Variants in CLIP1 observed in about 807,000 individuals in gnomAD.
The protein encoded by CLIP1 is CAP-Gly domain containing linker protein 1.
CLIP1 carries 66 observed loss-of-function variants against 161.6 expected under a neutral mutation model. That is an observed-to-expected ratio of 0.41 (90% confidence interval 0.33 to 0.50). The LOEUF (loss-of-function observed/expected upper bound fraction) is 0.50. CLIP1 is among the 20% of genes least tolerant of loss of function. The pLI, the probability that CLIP1 is intolerant of heterozygous loss-of-function variation, is 0.27. For missense variants in CLIP1, 1,376 were observed against 1,702.0 expected (o/e 0.81, Z 3.37); for synonymous variants, 598 against 626.2 (o/e 0.96, Z 0.67).
rs760960888 is a variant in CLIP1 at position 122,339,150 on chromosome 12, G to A, written c.2451+1603C>T. 2.9e-4 allele frequency among the ~76,000 whole-genome samples: 44 copies of A among 152,210 alleles called. 1 individual carries two copies. The highest frequency in any genetic ancestry group is 1.1e-3 in the African/African-American group (44 of 41,544). Reference sequence around the variant, plus strand: ...CTAGTTAGTAAGGAATGCAGCTGGCGAATGTTTCACGTAATTTCCTAAGCC... The same window carrying A: ...CTAGTTAGTAAGGAATGCAGCTGGCAAATGTTTCACGTAATTTCCTAAGCC... On this transcript the variant is annotated intron_variant, in intron 11 of 25. Transcript: ENST00000620786.
At chr12:122,298,431 G>A (rs560003234) in intron 20 of CLIP1, among the ~76,000 whole-genome samples, 7 of 151,822 alleles carry the variant, frequency 4.6e-5, no homozygotes, top group South Asian at 2.1e-4. Flanking sequence ...GCCAAACTCC[G>A]TCTCCACTAA....
intron 15 of CLIP1, 52 bp from the exon 16 acceptor site, chr12:122,328,478 A>C (rs372428927): frequency 8.9e-7 from 1 of 1,120,088 alleles, no homozygotes. Flanking sequence ...AATGTTTTAA[A>C]TTTAAGTTAT....
intron 24 of CLIP1, 133 bp downstream of exon 24, chr12:122,278,021 G>T: frequency 2.6e-6 from 2 of 764,624 alleles, no homozygotes; most frequent in South Asian, 1.6e-5. Flanking sequence ...TTAATGTTTG[G>T]ACTAGAGGAA....
intron 1 of CLIP1, among the ~76,000 whole-genome samples, chr12:122,401,293 G>A (rs1373465620): frequency 6.6e-6 from 1 of 152,204 alleles, no homozygotes; most frequent in Admixed American, 6.5e-5. Context: ...GGAGGCTGAG[G>A]TGGCAGGATG....
intron 1 of CLIP1, among the ~76,000 whole-genome samples, chr12:122,415,014 C>T (rs1956683248): frequency 1.3e-5 from 2 of 151,932 alleles, no homozygotes; most frequent in South Asian, 4.1e-4. Flanking sequence ...GTCAAGATTA[C>T]ACCAGTACAC....
rs1368508316 is a variant in CLIP1, at chr12:122,341,501, C to T, written c.1703G>A (p.Arg568Lys). The change falls in exon 11 of 26, where the codon AGA becomes AAA. Residue 568 changes from arginine (R) to lysine (K), a missense_variant. Arg to Lys is a conservative substitution (Grantham distance 26, BLOSUM62 2). This residue lies in a region of CLIP1 where 948 missense variants were observed against 1,134.8 expected (regional missense o/e 0.84). Transcript: ENST00000620786. Reference sequence around the variant, plus strand: ...ATGCTCCTTCAGAGAAGTTATTTCTCTCTGGTGGTCAGTACGGGTGACTTC... The same window carrying T: ...ATGCTCCTTCAGAGAAGTTATTTCTTTCTGGTGGTCAGTACGGGTGACTTC... ...KLEVTRTDHQREITSLKEHFG... is the reference protein window; with the variant it reads ...KLEVTRTDHQKEITSLKEHFG... 6.2e-7 allele frequency: 1 copy of T among 1,613,978 alleles called. No individual in the cohort carries two copies. The highest frequency in any genetic ancestry group is 8.5e-7 in the Non-Finnish European group (1 of 1,179,912).
At chr12:122,310,000 C>T in intron 19 of CLIP1, 118 bp from the exon 20 acceptor site, 1 of 1,107,530 alleles carries the variant, frequency 9.0e-7, no homozygotes, top group Non-Finnish European at 1.3e-6. Context: ...CTGATAGGAT[C>T]TATAATAACA....
intron 20 of CLIP1, among the ~76,000 whole-genome samples, chr12:122,297,904 C>T (rs1346913769): frequency 2.0e-5 from 3 of 152,182 alleles, no homozygotes; most frequent in Non-Finnish European, 2.9e-5. Flanking sequence ...GAGCCACTTC[C>T]GGCAGGGTCA....
chr12:122,361,927 CA>C (rs1309641456), intron 4 of CLIP1, among the ~76,000 whole-genome samples: 2 of 151,894 alleles, frequency 1.3e-5, no homozygotes, highest in Non-Finnish European at 2.9e-5. Context: ...ATCTGTTCCC[CA>C]AAAACCTATT....
chr12:122,290,683 G>A (rs1278138348), intron 20 of CLIP1, among the ~76,000 whole-genome samples: 1 of 151,820 alleles, frequency 6.6e-6, no homozygotes, highest in Non-Finnish European at 1.5e-5. Context: ...AACACAATAC[G>A]CAAAGATTCT....
rs1955983159 is a variant in CLIP1 at position 122,289,029 on chromosome 12, G to T, written c.3595-488C>A. ...GACGGGTTTTCACCGTCTTAGCCAG[G>T]ATGGTCTCGATCTCCTGACCTTGTG... On this transcript the variant is annotated intron_variant, in intron 20 of 25. Transcript: ENST00000620786. 2.0e-5 allele frequency among the ~76,000 whole-genome samples: 3 copies of T among 150,488 alleles called. No homozygotes were observed. The South Asian group carries it at 6.2e-4, about 31-fold the overall frequency.
chr12:122,390,199 T>TATA (rs1593226640), intron 1 of CLIP1, among the ~76,000 whole-genome samples: 5 of 116,904 alleles, frequency 4.3e-5, no homozygotes, highest in Admixed American at 3.6e-4. Flanking sequence ...ATATATATAA[T>TATA]ATATATATAC....
rs1954798423 is a variant in CLIP1 at position 122,377,486 on chromosome 12, T to C, written c.560A>G (p.Asn187Ser). Reference protein sequence around the residue: ...KEPSATPPISNLTKTASESIS... With the variant: ...KEPSATPPISSLTKTASESIS... ...AGATTCACTGGCAGTTTTTGTAAGG[T>C]TGCTGATCGGAGGCGTAGCTGAAGG... The change falls in exon 3 of 26, where the codon AAC (asparagine) becomes AGC (serine). Residue 187 changes from asparagine (N) to serine (S), a missense_variant. By Grantham distance (46) the Asn-to-Ser change is conservative. This residue lies in a region of CLIP1 where 119 missense variants were observed against 112.0 expected (regional missense o/e 1.06). Transcript: ENST00000620786. 9 of 1,614,122 alleles carry C rather than the reference T, an allele frequency of 5.6e-6. No homozygotes were observed. The highest frequency in any genetic ancestry group is 2.2e-5 in the East Asian group (1 of 44,880).
intron 17 of CLIP1, among the ~76,000 whole-genome samples, chr12:122,320,767 T>C (rs1951468017): frequency 6.6e-6 from 1 of 150,710 alleles, no homozygotes; most frequent in African/African-American, 2.4e-5. Flanking sequence ...TGGAGCGCAG[T>C]GGTGCAATCT....
intron 25 of CLIP1, 27 bp downstream of exon 25, chr12:122,274,011 C>T: frequency 3.1e-6 from 5 of 1,608,806 alleles, no homozygotes; most frequent in Non-Finnish European, 4.3e-6. Flanking sequence ...GGGATTATAG[C>T]AATCAGTATG....
At chr12:122,415,549 T>TGGC (rs1956720448) in intron 1 of CLIP1, among the ~76,000 whole-genome samples, 1 of 150,970 alleles carries the variant, frequency 6.6e-6, no homozygotes, top group Non-Finnish European at 1.5e-5. Context: ...CTAGGCACAG[T>TGGC]GGCTCACGCC....
chr12:122,333,085 C>T lies in CLIP1; in HGVS notation c.2769G>A (p.Lys923=). ...DEREEQLIKA[K]EKLENDIAEI... is the part of the protein sequence containing the mutation. ...CTGCAATGTCATTTTCCAGTTTTTC[C>T]TTTGCCTTTATCAGCTGCTCTTCTC... The change falls in exon 15 of 26, where the codon AAG becomes AAA. Residue 923 remains lysine, a synonymous_variant. Transcript: ENST00000620786. The T allele has an allele frequency of 1.2e-6, 2 of 1,613,650 alleles. No individual in the cohort carries two copies. Among genetic ancestry groups the T allele is most frequent in the South Asian group, 1.1e-5 (1 of 91,040 alleles).
intron 24 of CLIP1, chr12:122,277,266 T>TA (rs1955464559): frequency 6.6e-6 from 1 of 151,954 alleles, no homozygotes; most frequent in Admixed American, 6.6e-5. Flanking sequence ...CCCAGGCCCT[T>TA]AAAAACTTTT....
At chr12:122,390,273 T>TACATAC (rs1555280618) in intron 1 of CLIP1, among the ~76,000 whole-genome samples, 1 of 42,946 alleles carries the variant, frequency 2.3e-5, no homozygotes, top group Non-Finnish European at 7.0e-5. Context: ...CACACATATA[T>TACATAC]ATATACATAT....
Sources: allele counts gnomAD v4.1 joint callset (sites outside exome capture counted in the v4.1 genomes callset), GRCh38; gene constraint gnomAD v4.1.1; regional missense constraint gnomAD v4.1.1; transcripts MANE v1.5; gene names NCBI Gene and HGNC (gene_info 2026-07-23, HGNC 2026-07-21).